The following TRPC3 variants were observed in gnomAD, a reference collection of about 807,000 sequenced individuals.
TRPC3 encodes short transient receptor potential channel 3.
A neutral mutation model predicts 90.9 loss-of-function variants in TRPC3; 54 were observed. The ratio of observed to expected loss-of-function variants is 0.59; its 90% CI spans 0.48 to 0.75. The LOEUF is 0.75. TRPC3 is among the 30% of genes least tolerant of loss of function. The probability of loss-of-function intolerance (pLI) is 0.00; values close to 1 mark genes in which losing one functional copy is unlikely to be tolerated. For synonymous variants in TRPC3, 424 were observed against 450.9 expected (o/e 0.94, Z 0.75); for missense variants, 918 against 1,194.5 (o/e 0.77, Z 3.41).
intron 4 of TRPC3, among the ~76,000 whole-genome samples, 188 bp from the exon 5 acceptor site, chr4:121,912,281 A>G (rs565508419): frequency 6.6e-5 from 10 of 152,284 alleles, no homozygotes; most frequent in African/African-American, 2.4e-4. Flanking sequence ...ATAATTTAAT[A>G]AGTATTCAAA....
chr4:121,879,733 G>A lies in TRPC3; in HGVS notation c.*3C>T. 1.2e-6 allele frequency: 2 copies of A among 1,604,176 alleles called. No homozygotes were observed. The highest frequency in any genetic ancestry group is 1.7e-6 in the Non-Finnish European group (2 of 1,176,556). ...TAGTCAAAGCCAAATCCAGGTTGCT[G>A]CATCATTCACATCTCAGCATGCTGG... is the stretch of plus-strand genomic sequence containing the variant. On this transcript the variant is annotated 3_prime_UTR_variant, in exon 12 of 12. Transcript: ENST00000379645.
chr4:121,941,002 A>C (rs968104264), intron 1 of TRPC3, among the ~76,000 whole-genome samples: 8 of 152,224 alleles, frequency 5.3e-5, no homozygotes, highest in African/African-American at 1.9e-4. Context: ...ACGGTCACTG[A>C]GGAGTACAGA....
chr4:121,886,996 G>A (rs775707030), intron 10 of TRPC3, among the ~76,000 whole-genome samples: 43 of 152,246 alleles, frequency 2.8e-4, no homozygotes, highest in Non-Finnish European at 4.3e-4. Context: ...AATAACATAA[G>A]CTTTTGACTG....
Position 121,951,835 on chromosome 4 carries a change from G to C in TRPC3, c.-155C>G. 4 of 500,060 alleles carry C rather than the reference G, an allele frequency of 8.0e-6. No homozygotes were observed. The highest frequency in any genetic ancestry group is 1.3e-5 in the Non-Finnish European group (4 of 312,888). The allele number at this position is 500,060 out of a possible 1,614,324, so 31.0% of individuals were successfully genotyped here. Reference sequence around the variant, plus strand: ...GGAAGGCAGGAGCGGAGAGCGTCGCGGCCCGCGATCCAGCAGTTAGAGGCT... The same window carrying C: ...GGAAGGCAGGAGCGGAGAGCGTCGCCGCCCGCGATCCAGCAGTTAGAGGCT... On this transcript the variant is annotated 5_prime_UTR_variant, in exon 1 of 12. Transcript: ENST00000379645. The surrounding 1 kb of genome is among the most constrained non-coding windows in gnomAD (Gnocchi z 4.4).
chr4:121,903,401 T>C (rs1026980424), intron 8 of TRPC3, among the ~76,000 whole-genome samples: 5 of 152,180 alleles, frequency 3.3e-5, no homozygotes, highest in African/African-American at 1.2e-4. Flanking sequence ...CAATTCTGCA[T>C]GTTTGACAAT....
chr4:121,910,101 T>C (rs1560699079), intron 6 of TRPC3, 53 bp downstream of exon 6: 2 of 1,417,776 alleles, frequency 1.4e-6, no homozygotes, highest in Non-Finnish European at 2.0e-6. Context: ...TTCCAAAATG[T>C]GGTTCCAATA....
At chr4:121,913,879 T>C (rs1189946901) in intron 4 of TRPC3, among the ~76,000 whole-genome samples, 1 of 152,240 alleles carries the variant, frequency 6.6e-6, no homozygotes, top group African/African-American at 2.4e-5. Context: ...AGCAGAACTC[T>C]GCCGGTGGAG....
In TRPC3 at chr4:121,926,995, C is replaced by T. The variant is rs753156371; in HGVS notation, c.988-1789G>A. On this transcript the variant is annotated intron_variant, in intron 2 of 11. Transcript: ENST00000379645. ...AAGTTTGAGAATAACTGGTTTATAG[C>T]GAATGTAGAGAGGTAGATGGATACC... Among the ~76,000 whole-genome samples, 3 of 152,038 alleles carry T rather than the reference C, an allele frequency of 2.0e-5. No homozygotes were observed. In the South Asian group the frequency reaches 6.2e-4, roughly 32 times the overall value.
chr4:121,934,844 G>A (rs920137651), intron 1 of TRPC3, among the ~76,000 whole-genome samples: 1 of 152,216 alleles, frequency 6.6e-6, no homozygotes, highest in Non-Finnish European at 1.5e-5. Flanking sequence ...GGGCAAGCCT[G>A]ACTCTATAGA....
Position 121,878,529 on chromosome 4 carries a change from T to A in TRPC3, c.*1207A>T, listed in dbSNP as rs1727835743. ...AAAAAATGCTTTGAGTGTTTTATAGTCTCTGAAGTGACTGGGGAACTTACT... is the reference window on the plus strand; with the variant it reads ...AAAAAATGCTTTGAGTGTTTTATAGACTCTGAAGTGACTGGGGAACTTACT... On this transcript the variant is annotated 3_prime_UTR_variant, in exon 12 of 12. Transcript: ENST00000379645. 6.6e-6 allele frequency among the ~76,000 whole-genome samples: 1 copy of A among 152,194 alleles called. No individual in the cohort carries two copies. Among genetic ancestry groups the A allele is most frequent in the South Asian group, 2.1e-4 (1 of 4,832 alleles).
At chr4:121,890,757 C>T (rs538291865) in intron 10 of TRPC3, among the ~76,000 whole-genome samples, 19 of 151,628 alleles carry the variant, frequency 1.3e-4, no homozygotes, top group Non-Finnish European at 2.5e-4. Flanking sequence ...TTTGGGAGGC[C>T]GAGATGGGTG....
At chr4:121,905,259 G>A (rs1348356347) in intron 7 of TRPC3, among the ~76,000 whole-genome samples, 1 of 152,040 alleles carries the variant, frequency 6.6e-6, no homozygotes. Context: ...TGGGAACTAA[G>A]GATAAGTAAG....
intron 4 of TRPC3, 61 bp from the exon 5 acceptor site, chr4:121,912,154 T>A (rs1363687180): frequency 3.6e-5 from 53 of 1,456,534 alleles, no homozygotes; most frequent in Non-Finnish European, 4.3e-5. Context: ...TTGTGGAGAT[T>A]ACAACATAGG....
At chr4:121,880,101 C>T (rs986681094) in intron 11 of TRPC3, among the ~76,000 whole-genome samples, 31 of 152,156 alleles carry the variant, frequency 2.0e-4, no homozygotes, top group African/African-American at 7.0e-4. Flanking sequence ...TTTAAAGTAA[C>T]ACTCAGCTTA....
intron 4 of TRPC3, among the ~76,000 whole-genome samples, chr4:121,913,536 A>C (rs1297336938): frequency 6.6e-6 from 1 of 152,250 alleles, no homozygotes; most frequent in East Asian, 1.9e-4. Context: ...GGCTACTTCA[A>C]ACCTGATGGA....
At chr4:121,914,989 T>C in intron 3 of TRPC3, 45 bp from the exon 4 acceptor site, 1 of 1,519,232 alleles carries the variant, frequency 6.6e-7, no homozygotes, top group Non-Finnish European at 9.0e-7. Flanking sequence ...AAAGGTAAGT[T>C]ACCATACCAT....
At chr4:121,930,706 T>C in intron 2 of TRPC3, 1 of 285,774 alleles carries the variant, frequency 3.5e-6, no homozygotes, top group Non-Finnish European at 6.9e-6. Flanking sequence ...GGCAAATAAA[T>C]ATGTTTAGAA....
At chr4:121,904,230 G>A (rs1728805951) in intron 8 of TRPC3, 92 bp downstream of exon 8, 7 of 1,155,642 alleles carry the variant, frequency 6.1e-6, no homozygotes, top group African/African-American at 4.8e-5. Flanking sequence ...TTTGTTACAT[G>A]AGCTGGAGCT....
At chr4:121,913,313 ATG>A (rs1329777823) in intron 4 of TRPC3, among the ~76,000 whole-genome samples, 1 of 152,242 alleles carries the variant, frequency 6.6e-6, no homozygotes, top group Non-Finnish European at 1.5e-5. Flanking sequence ...TTTAAATAAC[ATG>A]AAAAGAAAGC....
Sources: allele counts gnomAD v4.1 joint callset (sites outside exome capture counted in the v4.1 genomes callset), GRCh38; gene constraint gnomAD v4.1.1; non-coding constraint Gnocchi (gnomAD v3.1); transcripts MANE v1.5; gene names NCBI Gene and HGNC (gene_info 2026-07-23, HGNC 2026-07-21).